Variants in CSGALNACT1 observed in about 807,000 individuals in gnomAD.
CSGALNACT1 encodes beta4GalNAcT-1.
Under a neutral mutation model 51.0 loss-of-function variants are expected in CSGALNACT1, and 52 were observed. The ratio of observed to expected loss-of-function variants is 1.02; its 90% confidence interval spans 0.82 to 1.29. The LOEUF (loss-of-function observed/expected upper bound fraction) is 1.29, where lower values mean the gene tolerates loss of function less well. Ranked by LOEUF, CSGALNACT1 falls within the 50% of genes most tolerant of loss-of-function variation. CSGALNACT1 has a pLI of 0.00. For synonymous variants in CSGALNACT1, 341 were observed against 254.4 expected, an observed-to-expected ratio of 1.34 and a Z score of -3.24; for missense variants, 935 against 679.2, an observed-to-expected ratio of 1.38 and a Z score of -4.19.
intron 3 of CSGALNACT1, among the ~76,000 whole-genome samples, chr8:19,530,237 C>G (rs1232950726): frequency 6.6e-6 from 1 of 150,666 alleles, no homozygotes; most frequent in Non-Finnish European, 1.5e-5. Context: ...CAAAACAAAA[C>G]AAAACAAAAC....
chr8:19,605,822 A>G (rs924523539), upstream of CSGALNACT1, among the ~76,000 whole-genome samples: 3 of 152,234 alleles, frequency 2.0e-5, no homozygotes, highest in African/African-American at 7.2e-5. Context: ...AAAGAAGCCT[A>G]CCAAAAATCA....
intron 6 of CSGALNACT1, among the ~76,000 whole-genome samples, chr8:19,432,611 T>A (rs1332216791): frequency 2.0e-5 from 3 of 151,748 alleles, no homozygotes; most frequent in Non-Finnish European, 2.9e-5. Context: ...ATTTTCTTCA[T>A]TCTTTTTTCT....
chr8:19,633,019 C>G (rs11779606), intron 1 of CSGALNACT1, among the ~76,000 whole-genome samples: 4 of 151,422 alleles, frequency 2.6e-5, no homozygotes, highest in Non-Finnish European at 4.4e-5. Flanking sequence ...CTGCCCACCT[C>G]AGCCTGCCAA....
rs552089205 is a variant in CSGALNACT1 at position 19,462,441 on chromosome 8, A to G, written c.635-3799T>C. ...CACAGAGATGAAAATACAGATAGCA[A>G]TATACCTAAACCTGTCTCAAGAGAT... On this transcript the variant is annotated intron_variant, in intron 4 of 9. Coordinates refer to ENST00000454498, the Ensembl canonical transcript of CSGALNACT1. Among the ~76,000 whole-genome samples the G allele has an allele frequency of 6.6e-5, 10 of 152,358 alleles. No individual in the cohort carries two copies. In the East Asian group the frequency reaches 1.7e-3, roughly 26 times the overall value.
At chr8:19,648,742 G>T (rs1385082562) in intron 1 of CSGALNACT1, among the ~76,000 whole-genome samples, 3 of 152,172 alleles carry the variant, frequency 2.0e-5, no homozygotes, top group African/African-American at 7.2e-5. Flanking sequence ...GCAACTGAGG[G>T]TATAGTGAGC....
chr8:19,664,652 C>CACACACACACACAT (rs1231316394), intron 1 of CSGALNACT1, among the ~76,000 whole-genome samples: 2 of 151,892 alleles, frequency 1.3e-5, no homozygotes, highest in Non-Finnish European at 2.9e-5. Flanking sequence ...CACAAACACA[C>CACACACACACACAT]ACACACACAC....
chr8:19,749,130 A>T (rs745915280), intron 1 of CSGALNACT1, among the ~76,000 whole-genome samples: 25 of 151,848 alleles, frequency 1.6e-4, no homozygotes, highest in Middle Eastern at 3.5e-3. Flanking sequence ...GCATGTACTC[A>T]TGATACTAAT....
chr8:19,748,351 C>T (rs764591289), intron 1 of CSGALNACT1, among the ~76,000 whole-genome samples: 3 of 152,050 alleles, frequency 2.0e-5, no homozygotes, highest in Non-Finnish European at 2.9e-5. Flanking sequence ...CTTATCATAG[C>T]GACAGGTACA....
At chr8:19,699,806 T>C (rs1202532342) in intron 1 of CSGALNACT1, among the ~76,000 whole-genome samples, 2 of 152,162 alleles carry the variant, frequency 1.3e-5, no homozygotes, top group Non-Finnish European at 2.9e-5. Flanking sequence ...GTGTATTTCA[T>C]CAAAATTTTT....
intron 4 of CSGALNACT1, among the ~76,000 whole-genome samples, chr8:19,472,402 C>A (rs1187412181): frequency 6.6e-6 from 1 of 152,228 alleles, no homozygotes; most frequent in Non-Finnish European, 1.5e-5. Flanking sequence ...ATGCAACTTA[C>A]CACCAAAGTA....
intron 1 of CSGALNACT1, among the ~76,000 whole-genome samples, chr8:19,674,869 G>A (rs1005548138): frequency 6.6e-6 from 1 of 152,156 alleles, no homozygotes; most frequent in African/African-American, 2.4e-5. Context: ...CTTAGATTTG[G>A]GTATGAGAGA....
intron 4 of CSGALNACT1, among the ~76,000 whole-genome samples, chr8:19,482,279 G>A (rs2153925743): frequency 6.6e-6 from 1 of 152,322 alleles, no homozygotes; most frequent in Admixed American, 6.5e-5. Flanking sequence ...ATTTTTAATT[G>A]TATATGATTT....
chr8:19,540,292 G>A (rs964352432), intron 3 of CSGALNACT1, among the ~76,000 whole-genome samples: 8 of 152,104 alleles, frequency 5.3e-5, no homozygotes, highest in African/African-American at 1.9e-4. Context: ...CGTTAAAAAG[G>A]CTATTAAAGG....
chr8:19,516,101 C>A (rs746880242), intron 3 of CSGALNACT1, among the ~76,000 whole-genome samples: 5 of 152,202 alleles, frequency 3.3e-5, no homozygotes, highest in African/African-American at 4.8e-5. Flanking sequence ...TGAAACCAGC[C>A]TTCCAACACC....
chr8:19,594,695 C>T (rs2154136888), intron 2 of CSGALNACT1, among the ~76,000 whole-genome samples: 1 of 152,046 alleles, frequency 6.6e-6, no homozygotes, highest in Non-Finnish European at 1.5e-5. Flanking sequence ...AGGTACACGC[C>T]ACCAGGCCTG....
At chr8:19,421,802 T>G (rs2057991832) in intron 6 of CSGALNACT1, among the ~76,000 whole-genome samples, 1 of 152,220 alleles carries the variant, frequency 6.6e-6, no homozygotes, top group Admixed American at 6.5e-5. Flanking sequence ...GGGAGTGAGC[T>G]TGGATTCTTA....
chr8:19,685,250 T>G (rs1179974821), upstream of CSGALNACT1, among the ~76,000 whole-genome samples: 2 of 152,232 alleles, frequency 1.3e-5, no homozygotes, highest in African/African-American at 4.8e-5. Context: ...ATTTCTATTT[T>G]CTAACTTACC....
intron 1 of CSGALNACT1, among the ~76,000 whole-genome samples, chr8:19,627,283 A>T (rs1226181739): frequency 1.3e-5 from 2 of 152,196 alleles, no homozygotes; most frequent in African/African-American, 4.8e-5. Flanking sequence ...AGTGAAAAAG[A>T]TCAATCTCCA....
At chr8:19,509,988 G>A (rs1370876027) in intron 3 of CSGALNACT1, among the ~76,000 whole-genome samples, 3 of 152,130 alleles carry the variant, frequency 2.0e-5, no homozygotes, top group South Asian at 2.1e-4. Flanking sequence ...AGGGAGCAAG[G>A]AGTCCCTGTC....
Sources: allele counts gnomAD v4.1 joint callset (sites outside exome capture counted in the v4.1 genomes callset), GRCh38; gene constraint gnomAD v4.1.1; transcripts MANE v1.5; gene names NCBI Gene and HGNC (gene_info 2026-07-23, HGNC 2026-07-21).